TSPAN9: variants seen among roughly 807,000 people sequenced by gnomAD.
TSPAN9 encodes the protein tetraspanin 9.
In TSPAN9, 16 loss-of-function variants were observed where a neutral mutation model predicts 31.0. That is an observed-to-expected ratio of 0.52 (90% CI 0.35 to 0.78). The LOEUF (loss-of-function observed/expected upper bound fraction) is 0.78, where lower values mean the gene tolerates loss of function less well. TSPAN9 is among the 30% of genes least tolerant of loss of function. The pLI is 0.01. For synonymous variants in TSPAN9, 145 were observed against 121.6 expected (o/e 1.19, Z -1.27); for missense variants, 272 against 312.5 (o/e 0.87, Z 0.98).
At chr12:3,197,395 C>A (rs1032825438) in intron 2 of TSPAN9, among the ~76,000 whole-genome samples, 1 of 152,204 alleles carries the variant, frequency 6.6e-6, no homozygotes, top group Non-Finnish European at 1.5e-5. Context: ...AGACATCTGC[C>A]CCTTCATCTC....
intron 2 of TSPAN9, among the ~76,000 whole-genome samples, chr12:3,153,889 T>A (rs1221039249): frequency 6.6e-6 from 1 of 151,870 alleles, no homozygotes; most frequent in Non-Finnish European, 1.5e-5. Context: ...TGTATCTCTG[T>A]CTGTTTCTCT....
intron 3 of TSPAN9, among the ~76,000 whole-genome samples, chr12:3,203,428 C>A (rs1263618914): frequency 6.6e-6 from 1 of 152,208 alleles, no homozygotes; most frequent in South Asian, 2.1e-4. Flanking sequence ...GCTCTCCGAG[C>A]GCCATAGCTA....
At chr12:3,126,777 G>A (rs1463185741) in intron 2 of TSPAN9, among the ~76,000 whole-genome samples, 1 of 152,030 alleles carries the variant, frequency 6.6e-6, no homozygotes, top group African/African-American at 2.4e-5. Context: ...CTACTTGGGA[G>A]GCTGAAGTGG....
chr12:3,137,962 C>T (rs756203818), intron 2 of TSPAN9, among the ~76,000 whole-genome samples: 34 of 152,306 alleles, frequency 2.2e-4, no homozygotes, highest in East Asian at 7.7e-4. Context: ...TTTGAGCCTC[C>T]GAGGAAGGTC....
chr12:3,271,240 C>T (rs1862672555), intron 3 of TSPAN9, among the ~76,000 whole-genome samples: 1 of 152,122 alleles, frequency 6.6e-6, no homozygotes. Context: ...ACAGTAATGA[C>T]CAAGGAATCA....
chr12:3,155,551 A>T (rs2098341792), intron 2 of TSPAN9, among the ~76,000 whole-genome samples: 1 of 151,928 alleles, frequency 6.6e-6, no homozygotes, highest in Non-Finnish European at 1.5e-5. Context: ...GTGAACCATG[A>T]TTATGCCACT....
chr12:3,211,704 T>C, intron 3 of TSPAN9: 5 of 1,594,572 alleles, frequency 3.1e-6, no homozygotes, highest in Non-Finnish European at 3.4e-6. Flanking sequence ...TCTGTAAGCC[T>C]TGCTTTTCCT....
At chr12:3,272,736 A>G (rs1358210476) in intron 3 of TSPAN9, among the ~76,000 whole-genome samples, 1 of 152,202 alleles carries the variant, frequency 6.6e-6, no homozygotes, top group African/African-American at 2.4e-5. Flanking sequence ...CCTAGGATCT[A>G]AGCAGCATGG....
At chr12:3,106,087 C>T (rs1040677464) in intron 2 of TSPAN9, among the ~76,000 whole-genome samples, 2 of 151,868 alleles carry the variant, frequency 1.3e-5, no homozygotes, top group African/African-American at 4.9e-5. Flanking sequence ...CGCTCTTGTG[C>T]GCGCACGCAC....
intron 2 of TSPAN9, among the ~76,000 whole-genome samples, chr12:3,138,928 GTTC>G (rs1591644193): frequency 1.3e-5 from 2 of 152,164 alleles, no homozygotes; most frequent in Non-Finnish European, 1.5e-5. Flanking sequence ...CCCGTGCTCT[GTTC>G]TTCTCCAGGC....
At chr12:3,114,842 CAAAAA>C (rs34841785) in intron 2 of TSPAN9, among the ~76,000 whole-genome samples, 1 of 73,770 alleles carries the variant, frequency 1.4e-5, no homozygotes, top group Non-Finnish European at 2.8e-5. Flanking sequence ...GGCTCCATCT[CAAAAA>C]AAAAAAAAAA....
intron 3 of TSPAN9, among the ~76,000 whole-genome samples, chr12:3,218,359 C>T (rs1407742997): frequency 2.0e-5 from 3 of 152,212 alleles, no homozygotes; most frequent in African/African-American, 7.2e-5. Context: ...TTTTAGGATG[C>T]TCCCTTGAGA....
chr12:3,260,774 A>G (rs965453363), intron 3 of TSPAN9, among the ~76,000 whole-genome samples: 2 of 152,186 alleles, frequency 1.3e-5, no homozygotes, highest in African/African-American at 4.8e-5. Context: ...AATGATAGGC[A>G]CTGCTGAGTG....
intron 3 of TSPAN9, among the ~76,000 whole-genome samples, chr12:3,207,585 T>A (rs2153973660): frequency 6.6e-6 from 1 of 152,340 alleles, no homozygotes; most frequent in Admixed American, 6.5e-5. Context: ...CTGAAACCTC[T>A]TCTCACTTAG....
intron 3 of TSPAN9, among the ~76,000 whole-genome samples, chr12:3,251,811 A>G (rs1862247828): frequency 6.6e-6 from 1 of 152,018 alleles, no homozygotes; most frequent in Non-Finnish European, 1.5e-5. Flanking sequence ...CTGGGATAGG[A>G]GTGTTATGCT....
intron 3 of TSPAN9, among the ~76,000 whole-genome samples, chr12:3,226,928 A>G: frequency 1.3e-5 from 2 of 149,700 alleles, no homozygotes; most frequent in Non-Finnish European, 3.0e-5. Flanking sequence ...ATCCTTCCCA[A>G]GAAGCCCGAA....
chr12:3,190,328 G>A (rs1178798230), intron 2 of TSPAN9, among the ~76,000 whole-genome samples: 1 of 152,258 alleles, frequency 6.6e-6, no homozygotes, highest in Non-Finnish European at 1.5e-5. Context: ...ATAAGTCGCA[G>A]GCTTCATCAC....
chr12:3,214,346 CT>C (rs781699970), intron 3 of TSPAN9, among the ~76,000 whole-genome samples: 15 of 152,218 alleles, frequency 9.9e-5, no homozygotes, highest in Non-Finnish European at 1.9e-4. Context: ...ACTGCCTCAC[CT>C]GGACTACGTG....
chr12:3,233,208 C>T (rs953867870), intron 3 of TSPAN9, among the ~76,000 whole-genome samples: 1 of 152,160 alleles, frequency 6.6e-6, no homozygotes, highest in South Asian at 2.1e-4. Context: ...AGCTTGAATT[C>T]TCAAGCTTCC....
Sources: gnomAD v4.1 joint callset for allele counts (sites outside exome capture counted in the v4.1 genomes callset) on GRCh38, gnomAD v4.1.1 for gene constraint, MANE v1.5 for transcripts, NCBI Gene and HGNC (gene_info 2026-07-23, HGNC 2026-07-21) for gene names.